DLG2: variants seen among roughly 807,000 people sequenced by gnomAD.
DLG2 encodes disks large homolog 2.
In DLG2, 45 loss-of-function variants were observed where a neutral mutation model predicts 132.5. The ratio of observed to expected loss-of-function variants is 0.34; its 90% CI spans 0.27 to 0.44. The LOEUF (loss-of-function observed/expected upper bound fraction) is 0.44, where lower values mean the gene tolerates loss of function less well. Among genes scored for constraint, DLG2 ranks in the 20% least tolerant of loss-of-function variants. The pLI is 1.00. For synonymous variants in DLG2, 424 were observed against 419.6 expected, an observed-to-expected ratio of 1.01 and a Z score of -0.13; for missense variants, 1,045 against 1,196.9, an observed-to-expected ratio of 0.87 and a Z score of 1.87.
chr11:84,663,699 C>A (rs2099697091), intron 6 of DLG2, among the ~76,000 whole-genome samples: 4 of 152,104 alleles, frequency 2.6e-5, no homozygotes, highest in Admixed American at 2.6e-4. Context: ...GTTTGGATGA[C>A]AAATTATATA....
At chr11:84,620,058 T>A (rs181956839) in intron 6 of DLG2, among the ~76,000 whole-genome samples, 13 of 151,662 alleles carry the variant, frequency 8.6e-5, no homozygotes, top group African/African-American at 2.9e-4. Context: ...AATTTAAATT[T>A]TTAGTTAATG....
chr11:83,846,104 C>G (rs1323976438), intron 16 of DLG2, among the ~76,000 whole-genome samples: 6 of 152,068 alleles, frequency 3.9e-5, no homozygotes, highest in Non-Finnish European at 1.5e-5. Context: ...AATATTAAGT[C>G]ATATAGAATG....
intron 15 of DLG2, among the ~76,000 whole-genome samples, chr11:83,880,046 C>G (rs868815783): frequency 3.9e-5 from 6 of 152,268 alleles, no homozygotes; most frequent in Middle Eastern, 3.4e-3. Flanking sequence ...ATGTGGTGTG[C>G]TCTGGAAACT....
chr11:84,346,896 C>T (rs1332544256), intron 7 of DLG2, among the ~76,000 whole-genome samples: 1 of 152,002 alleles, frequency 6.6e-6, no homozygotes, highest in Non-Finnish European at 1.5e-5. Context: ...CTGTCTTTAT[C>T]TGTAAAGTAA....
In DLG2 at chr11:84,514,598, A is replaced by C. The variant is rs961406797; in HGVS notation, c.519+19972T>G. 4.6e-5 allele frequency among the ~76,000 whole-genome samples: 7 copies of C among 152,154 alleles called. 1 individual carries two copies. The highest frequency in any genetic ancestry group is 4.6e-4 in the Admixed American group (7 of 15,246). On this transcript the variant is annotated intron_variant, in intron 7 of 27. Coordinates refer to ENST00000376104, the MANE Select transcript of DLG2 (RefSeq NM_001142699.3). Reference sequence around the variant, plus strand: ...TCACTTATTTTGGGATCTAAAAATCATAACAATTGAACTCATGGATTTAGG... The same window carrying C: ...TCACTTATTTTGGGATCTAAAAATCCTAACAATTGAACTCATGGATTTAGG...
Position 83,488,237 on chromosome 11 carries a change from A to G in DLG2, c.2194-4009T>C, listed in dbSNP as rs556572503. 5.9e-5 allele frequency among the ~76,000 whole-genome samples: 9 copies of G among 152,016 alleles called. No individual in the cohort carries two copies. In the South Asian group the frequency reaches 1.2e-3, roughly 21 times the overall value. On this transcript the variant is annotated intron_variant, in intron 21 of 27. Coordinates refer to ENST00000376104, the MANE Select transcript of DLG2 (RefSeq NM_001142699.3). ...TAAACCACTCATTCCAACCCTCGCA[A>G]TCAATTAGATCTACATGTCTTTTGT...
At chr11:84,779,490 G>T (rs1260559501) in intron 6 of DLG2, among the ~76,000 whole-genome samples, 1 of 151,914 alleles carries the variant, frequency 6.6e-6, no homozygotes. Context: ...CTAAATACAA[G>T]ATCATATCAT....
intron 8 of DLG2, among the ~76,000 whole-genome samples, chr11:84,219,249 T>G (rs1346366975): frequency 6.6e-6 from 1 of 152,196 alleles, no homozygotes; most frequent in Non-Finnish European, 1.5e-5. Flanking sequence ...ACTTGGTTAT[T>G]TTTACAACAT....
Position 84,375,797 on chromosome 11 carries a change from T to A in DLG2, c.520-124506A>T, listed in dbSNP as rs142134805. ...CATTTATACATTTGCTTTTCCATTA[T>A]GTTACACACATTTATCTTAGATTAT... On this transcript the variant is annotated intron_variant, in intron 7 of 27. Coordinates refer to ENST00000376104, the MANE Select transcript of DLG2 (RefSeq NM_001142699.3). Among the ~76,000 whole-genome samples the A allele has an allele frequency of 2.4e-3, 358 of 152,222 alleles. 2 individuals are homozygous for A. Among genetic ancestry groups the A allele is most frequent in the African/African-American group, 8.3e-3 (347 of 41,588 alleles).
chr11:85,045,336 G>T (rs2062235296), intron 6 of DLG2, among the ~76,000 whole-genome samples: 1 of 151,990 alleles, frequency 6.6e-6, no homozygotes, highest in East Asian at 1.9e-4. Flanking sequence ...GGCTCCATCT[G>T]CCACTCAGTT....
chr11:84,639,960 T>C (rs1223662675), intron 6 of DLG2: 1 of 197,626 alleles, frequency 5.1e-6, no homozygotes, highest in East Asian at 1.7e-4. Flanking sequence ...TTCTAAAATT[T>C]TTGCTTCACT....
chr11:84,717,059 G>C (rs539602532), intron 6 of DLG2, among the ~76,000 whole-genome samples: 8 of 152,144 alleles, frequency 5.3e-5, no homozygotes, highest in African/African-American at 1.9e-4. Flanking sequence ...GATAACTTTT[G>C]AGTGTCTAGC....
intron 4 of DLG2, among the ~76,000 whole-genome samples, chr11:85,273,193 A>G (rs2077656024): frequency 6.6e-6 from 1 of 152,144 alleles, no homozygotes. Flanking sequence ...CACAGGCATG[A>G]GCAAAGACTT....
At chr11:84,427,450 C>T (rs1317284686) in intron 7 of DLG2, among the ~76,000 whole-genome samples, 2 of 152,066 alleles carry the variant, frequency 1.3e-5, no homozygotes, top group African/African-American at 4.8e-5. Context: ...GGTCTACAGT[C>T]TTTCACTGCC....
chr11:84,506,247 T>C (rs2099240375), intron 7 of DLG2, among the ~76,000 whole-genome samples: 1 of 151,328 alleles, frequency 6.6e-6, no homozygotes, highest in African/African-American at 2.4e-5. Flanking sequence ...GGCTAATTTT[T>C]TGTATTTTTA....
At chr11:83,732,407 T>C (rs2091185419) in intron 18 of DLG2, among the ~76,000 whole-genome samples, 1 of 152,176 alleles carries the variant, frequency 6.6e-6, no homozygotes, top group Non-Finnish European at 1.5e-5. Flanking sequence ...AAGGTAGCTA[T>C]TATGCTTAGA....
chr11:84,695,339 C>T (rs1002452694), intron 6 of DLG2, among the ~76,000 whole-genome samples: 2 of 151,572 alleles, frequency 1.3e-5, no homozygotes, highest in Non-Finnish European at 3.0e-5. Flanking sequence ...ACTTGCATTG[C>T]TTTGTGTGGC....
chr11:84,056,367 C>G (rs1477669312), intron 11 of DLG2, among the ~76,000 whole-genome samples: 2 of 152,056 alleles, frequency 1.3e-5, no homozygotes, highest in East Asian at 3.9e-4. Context: ...TTTAAATCCT[C>G]TGGACCATTT....
chr11:83,651,980 C>T (rs1017485387), intron 18 of DLG2: 2 of 436,630 alleles, frequency 4.6e-6, no homozygotes, highest in African/African-American at 2.0e-5. Flanking sequence ...CACTTAAATT[C>T]AGCCTGTGTT....
Sources: allele counts gnomAD v4.1 joint callset (sites outside exome capture counted in the v4.1 genomes callset), GRCh38; gene constraint gnomAD v4.1.1; transcripts MANE v1.5; gene names NCBI Gene and HGNC (gene_info 2026-07-23, HGNC 2026-07-21).